Variants in OPCML observed in about 807,000 individuals in gnomAD.
OPCML encodes opioid-binding protein/cell adhesion molecule.
OPCML carries 13 observed loss-of-function variants against 37.8 expected under a neutral mutation model. The observed-to-expected ratio is 0.34, with a 90% CI of 0.22 to 0.55. OPCML has a LOEUF of 0.55. Ranked by LOEUF, OPCML falls within the 20% of genes least tolerant of loss-of-function variation. The pLI, the probability that OPCML is intolerant of heterozygous loss-of-function variation, is 0.91. For synonymous variants in OPCML, 176 were observed against 168.8 expected (o/e 1.04, Z -0.33); for missense variants, 341 against 435.6 (o/e 0.78, Z 1.93).
chr11:132,739,656 C>G (rs942025622), intron 2 of OPCML, among the ~76,000 whole-genome samples: 11 of 151,966 alleles, frequency 7.2e-5, no homozygotes, highest in Non-Finnish European at 1.3e-4. Flanking sequence ...GGGGTGGAGG[C>G]AAGGGAAGAC....
chr11:133,128,576 C>T (rs965903252), intron 1 of OPCML, among the ~76,000 whole-genome samples: 1 of 152,134 alleles, frequency 6.6e-6, no homozygotes, highest in African/African-American at 2.4e-5. Context: ...GTGGAGAGGA[C>T]CCCTGGAGGT....
chr11:133,392,626 T>C (rs1592260249), intron 1 of OPCML, among the ~76,000 whole-genome samples: 1 of 152,236 alleles, frequency 6.6e-6, no homozygotes, highest in East Asian at 1.9e-4. Context: ...CAGCTCATTC[T>C]GAGGCTTGTG....
At chr11:133,086,038 C>T (rs777495632) in intron 1 of OPCML, among the ~76,000 whole-genome samples, 1 of 152,206 alleles carries the variant, frequency 6.6e-6, no homozygotes, top group Non-Finnish European at 1.5e-5. Flanking sequence ...TGATCCCTCT[C>T]TGTGCATTTC....
chr11:133,436,336 G>C (rs778186440), intron 1 of OPCML, among the ~76,000 whole-genome samples: 8 of 152,280 alleles, frequency 5.3e-5, no homozygotes, highest in African/African-American at 9.6e-5. Context: ...ATGAAAGATG[G>C]AATATAGTGA....
At chr11:133,196,430 T>C (rs964894877) in intron 1 of OPCML, among the ~76,000 whole-genome samples, 1 of 152,180 alleles carries the variant, frequency 6.6e-6, no homozygotes, top group African/African-American at 2.4e-5. Context: ...TGCTCATACA[T>C]ATTCATCTTT....
intron 1 of OPCML, among the ~76,000 whole-genome samples, chr11:133,048,439 A>T (rs1249780679): frequency 6.6e-6 from 1 of 152,130 alleles, no homozygotes; most frequent in Non-Finnish European, 1.5e-5. Flanking sequence ...CCGTATGAGA[A>T]TGCAGCCAAC....
intron 2 of OPCML, among the ~76,000 whole-genome samples, chr11:132,811,147 C>T (rs913118709): frequency 4.6e-5 from 7 of 152,136 alleles, no homozygotes; most frequent in African/African-American, 7.2e-5. Flanking sequence ...CTTGTAAGGG[C>T]CCCCAAAATA....
rs1939343293 is a variant in OPCML, at chr11:133,211,213, T to C, written c.62-268203A>G. 6.6e-6 allele frequency among the ~76,000 whole-genome samples: 1 copy of C among 152,130 alleles called. No individual in the cohort carries two copies. Among genetic ancestry groups the C allele is most frequent in the Non-Finnish European group, 1.5e-5 (1 of 68,018 alleles). On this transcript the variant is annotated intron_variant, in intron 1 of 7. Coordinates refer to ENST00000524381, the MANE Select transcript of OPCML (RefSeq NM_001012393.5). This position sits in a 1 kb window ranked among gnomAD's most constrained non-coding sequence, Gnocchi z 4.1. ...GTACTCATTTCCCTCAGGTTCTGCT[T>C]TCTGGTGATGGTTTCCTGGGTCCCA...
In OPCML at chr11:132,435,154, C is replaced by T. The variant is rs1171459318; in HGVS notation, c.916+932G>A. ...CAGAGGTAGGAAGGAACATGCTGTA[C>T]CCACCTGCCACTGCTGATGAGGGGC... is the stretch of plus-strand genomic sequence containing the variant. On this transcript the variant is annotated intron_variant, in intron 7 of 7. Transcript: ENST00000524381. The T allele has an allele frequency of 7.8e-6, 10 of 1,283,920 alleles. No homozygotes were observed. The Admixed American group carries it at 1.8e-4, about 24-fold the overall frequency. The allele number at this position is 1,283,920 out of a possible 1,614,324, so 79.5% of individuals were successfully genotyped here.
chr11:132,531,294 G>T (rs556090997), intron 3 of OPCML, among the ~76,000 whole-genome samples: 3 of 152,320 alleles, frequency 2.0e-5, no homozygotes, highest in African/African-American at 7.2e-5. Context: ...TTTTCTTTCA[G>T]ATCCTCAAAT....
intron 2 of OPCML, among the ~76,000 whole-genome samples, chr11:132,931,891 A>G (rs549617708): frequency 1.6e-4 from 25 of 152,242 alleles, no homozygotes; most frequent in Non-Finnish European, 3.4e-4. Context: ...CAAAGGATGA[A>G]TGAATAAACA....
chr11:133,147,205 C>G (rs1044546272), intron 1 of OPCML, among the ~76,000 whole-genome samples: 3 of 152,162 alleles, frequency 2.0e-5, no homozygotes, highest in Admixed American at 6.5e-5. Context: ...CCACTTTCTA[C>G]ACGCAGGCTT....
chr11:133,152,311 A>C (rs1374912348), intron 1 of OPCML, among the ~76,000 whole-genome samples: 1 of 152,172 alleles, frequency 6.6e-6, no homozygotes, highest in African/African-American at 2.4e-5. Flanking sequence ...TGTGATGCTT[A>C]TCAACAGTAG....
intron 1 of OPCML, chr11:133,298,389 T>A (rs1159584494): frequency 6.6e-6 from 1 of 152,078 alleles, no homozygotes; most frequent in African/African-American, 2.4e-5. Context: ...TTGGAGCAAA[T>A]TCTTCATTAA....
intron 1 of OPCML, among the ~76,000 whole-genome samples, chr11:133,440,896 A>G (rs1384778148): frequency 6.7e-6 from 1 of 150,130 alleles, no homozygotes; most frequent in Non-Finnish European, 1.5e-5. Flanking sequence ...CACTTTCCAT[A>G]TTACACTACA....
chr11:133,398,809 ATG>A (rs1227418191), intron 1 of OPCML, among the ~76,000 whole-genome samples: 1 of 151,934 alleles, frequency 6.6e-6, no homozygotes, highest in East Asian at 1.9e-4. Flanking sequence ...ACACCAACCA[ATG>A]CTTTTTCATC....
chr11:132,625,234 C>T (rs774192033), intron 3 of OPCML, among the ~76,000 whole-genome samples: 6 of 152,128 alleles, frequency 3.9e-5, no homozygotes, highest in Non-Finnish European at 8.8e-5. Context: ...CACCCTACAA[C>T]ACCATCTTGC....
intron 1 of OPCML, among the ~76,000 whole-genome samples, chr11:133,143,417 C>T (rs1319558469): frequency 1.3e-5 from 2 of 152,188 alleles, no homozygotes; most frequent in South Asian, 2.1e-4. Flanking sequence ...GACCTAGAAA[C>T]ATCAGGTCTG....
chr11:132,521,257 C>G (rs928916033), intron 4 of OPCML, among the ~76,000 whole-genome samples: 3 of 151,860 alleles, frequency 2.0e-5, no homozygotes, highest in Non-Finnish European at 4.4e-5. Context: ...CTTTAAGTTC[C>G]TTATAGATTC....
Sources: gnomAD v4.1 joint callset for allele counts (sites outside exome capture counted in the v4.1 genomes callset) on GRCh38, gnomAD v4.1.1 for gene constraint, Gnocchi (gnomAD v3.1) non-coding constraint, MANE v1.5 for transcripts, NCBI Gene and HGNC (gene_info 2026-07-23, HGNC 2026-07-21) for gene names.